Variants in PRMT2 observed in about 807,000 individuals in gnomAD.
PRMT2 encodes protein arginine methyltransferase 2.
In PRMT2, 26 loss-of-function variants were observed where a neutral mutation model predicts 57.6. That is an observed-to-expected ratio of 0.45 (90% CI 0.33 to 0.63). PRMT2 has a LOEUF of 0.63. Among genes scored for constraint, PRMT2 ranks in the 20% least tolerant of loss-of-function variants. The pLI, the probability that PRMT2 is intolerant of heterozygous loss-of-function variation, is 0.02. For missense variants in PRMT2, 472 were observed against 564.4 expected (o/e 0.84, Z 1.66); for synonymous variants, 219 against 220.0 (o/e 1.00, Z 0.04).
In PRMT2 at chr21:46,661,143, TTTC is replaced by T. The variant is rs2061614041; in HGVS notation, c.960+184_960+186del. 11 of 599,590 alleles carry T rather than the reference TTTC, an allele frequency of 1.8e-5. No homozygotes were observed. The South Asian group carries it at 3.6e-4, about 20-fold the overall frequency. The allele number at this position is 599,590 out of a possible 1,614,324, so 37.1% of individuals were successfully genotyped here. A position where few individuals can be genotyped will look rare whatever the true frequency, so the allele number is the denominator to read the frequency against. On this transcript the variant is annotated intron_variant, in intron 9 of 11. Coordinates refer to ENST00000355680, the MANE Select transcript of PRMT2 (RefSeq NM_206962.4). ...TTGCTACTGATTTTTTCCAGTCTTT[TTTC>T]TTTTTTACGTTCTATTTTGATTCTT...
chr21:46,643,414 T>G, intron 3 of PRMT2, 121 bp from the exon 4 acceptor site: 6 of 1,318,464 alleles, frequency 4.6e-6, no homozygotes. Flanking sequence ...ATAGTTTGTA[T>G]AATAAATACT....
intron 8 of PRMT2, 79 bp from the exon 9 acceptor site, chr21:46,660,754 A>G: frequency 6.5e-7 from 1 of 1,530,768 alleles, no homozygotes; most frequent in Non-Finnish European, 8.9e-7. Context: ...GAGAGCACTC[A>G]CCGCGGTCCC....
At position 46,641,707 on chromosome 21, in the gene PRMT2, CAAA is replaced by C. The variant is rs547560816; in HGVS notation, c.40-1827_40-1825del. On this transcript the variant is annotated intron_variant, in intron 3 of 11. Coordinates refer to ENST00000355680, the MANE Select transcript of PRMT2 (RefSeq NM_206962.4). ...ACTCCATCCTAAAAAAAAAGCCAAA[CAAA>C]GAAACAGCCTGTGTGTGTGTGTGTG... Among the ~76,000 whole-genome samples, 9 of 128,086 alleles carry C rather than the reference CAAA, an allele frequency of 7.0e-5. No individual in the cohort carries two copies. In the South Asian group the frequency reaches 2.6e-3, roughly 36 times the overall value. 84.0% of individuals were successfully genotyped at this position (128,086 alleles called of 152,430 possible). A position where few individuals can be genotyped will look rare whatever the true frequency, so the allele number is the denominator to read the frequency against.
In PRMT2 at chr21:46,653,552, A is replaced by G. The variant is rs186354379; in HGVS notation, c.654+3813A>G. On this transcript the variant is annotated intron_variant, in intron 7 of 11. Coordinates refer to ENST00000355680, the MANE Select transcript of PRMT2 (RefSeq NM_206962.4). ...CACAGGGCACCCTGCAGAGGCCACA[A>G]CCAAGGCCGCCTGGCTTCCCAGTGG... 14 of 1,036,908 alleles carry G rather than the reference A, an allele frequency of 1.4e-5. No homozygotes were observed. The East Asian group carries it at 5.1e-4, about 38-fold the overall frequency. 64.2% of individuals were successfully genotyped at this position (1,036,908 alleles called of 1,614,324 possible).
At chr21:46,652,176 C>T in intron 7 of PRMT2, 2 of 1,422,698 alleles carry the variant, frequency 1.4e-6, no homozygotes, top group South Asian at 1.5e-5. Flanking sequence ...TAAAATAAAC[C>T]TCAGATGGGC....
chr21:46,643,383 A>T, intron 3 of PRMT2, 152 bp from the exon 4 acceptor site: 1 of 1,238,500 alleles, frequency 8.1e-7, no homozygotes. Context: ...GCCTTTGATT[A>T]TAGTAGTAAA....
chr21:46,637,134 T>A (rs1020417079), intron 3 of PRMT2, 144 bp downstream of exon 3: 1 of 737,784 alleles, frequency 1.4e-6, no homozygotes, highest in African/African-American at 1.8e-5. Context: ...AATGTGAAGA[T>A]TGTGAGGCAG....
rs2061673870 is a variant in PRMT2, at chr21:46,664,380, A to G, written c.*53A>G. 2 of 1,612,560 alleles carry G rather than the reference A, an allele frequency of 1.2e-6. No homozygotes were observed. The highest frequency in any genetic ancestry group is 2.7e-5 in the African/African-American group (2 of 75,018). The stretch of plus-strand genomic sequence containing the variant: ...GTGCATATCTTGAGGGGTGATGAAC[A>G]CAAGCAAACCAAGTTGCACCTGGCT... On this transcript the variant is annotated 3_prime_UTR_variant, in exon 12 of 12. Coordinates refer to ENST00000355680, the MANE Select transcript of PRMT2 (RefSeq NM_206962.4).
At chr21:46,642,590 A>G (rs1195479032) in intron 3 of PRMT2, among the ~76,000 whole-genome samples, 1 of 152,252 alleles carries the variant, frequency 6.6e-6, no homozygotes, top group African/African-American at 2.4e-5. Flanking sequence ...CATTTTCTAA[A>G]GTAAACACGA....
intron 7 of PRMT2, chr21:46,652,081 C>A: frequency 6.3e-7 from 1 of 1,580,390 alleles, no homozygotes; most frequent in South Asian, 1.1e-5. Context: ...AGCTTTCAGT[C>A]AGTGCAGCAA....
At chr21:46,663,190 G>C (rs2061656551) in intron 10 of PRMT2, among the ~76,000 whole-genome samples, 193 bp from the exon 11 acceptor site, 1 of 152,364 alleles carries the variant, frequency 6.6e-6, no homozygotes, top group African/African-American at 2.4e-5. Flanking sequence ...TAGATCACAG[G>C]GCTGGGGGTG....
At chr21:46,663,659 C>A (rs1569167168) in intron 11 of PRMT2, 105 bp downstream of exon 11, 1 of 1,189,942 alleles carries the variant, frequency 8.4e-7, no homozygotes, top group Non-Finnish European at 1.2e-6. Context: ...CTGGGGTCCA[C>A]GCCTTTTGTG....
At chr21:46,660,767 G>C in intron 8 of PRMT2, 66 bp from the exon 9 acceptor site, 1 of 1,581,606 alleles carries the variant, frequency 6.3e-7, no homozygotes, top group Non-Finnish European at 8.6e-7. Context: ...GCGGTCCCAC[G>C]TGTGTGTTTT....
In PRMT2 at chr21:46,645,599, T is replaced by A. The variant is rs141924539; in HGVS notation, c.327+1111T>A. On this transcript the variant is annotated intron_variant, in intron 5 of 11. Coordinates refer to ENST00000355680, the MANE Select transcript of PRMT2 (RefSeq NM_206962.4). ...TTAAAACTAGATGAAAACAGTTACT[T>A]GCAGGATGAATGTTATAAAAATGAT... Among the ~76,000 whole-genome samples, 66 of 152,320 alleles carry A rather than the reference T, an allele frequency of 4.3e-4. 2 individuals carry two copies. The East Asian group carries it at 0.012, about 28-fold the overall frequency.
rs1238247842 is a variant in PRMT2 at position 46,636,892 on chromosome 21, G to C, written c.-56-4G>C. ...TTTGTGTCTCCTTCTCTTTTTAAAA[G>C]TAGAAATGGAAAAGAAAATGAAATA... On this transcript the variant is annotated splice_region_variant and splice_polypyrimidine_tract_variant and intron_variant, in intron 2 of 11. Transcript: ENST00000355680. 1.9e-6 allele frequency: 3 copies of C among 1,552,838 alleles called. No individual in the cohort carries two copies. The highest frequency in any genetic ancestry group is 2.6e-6 in the Non-Finnish European group (3 of 1,138,256).
At chr21:46,645,441 G>A (rs2061349563) in intron 5 of PRMT2, among the ~76,000 whole-genome samples, 1 of 152,126 alleles carries the variant, frequency 6.6e-6, no homozygotes, top group South Asian at 2.1e-4. Flanking sequence ...ACTCCAGCCT[G>A]GGTGATTGAA....
rs1354939163 is a variant in PRMT2 at position 46,635,751 on chromosome 21, A to G, written c.-178A>G. 6.6e-6 allele frequency: 1 copy of G among 152,436 alleles called. No individual in the cohort carries two copies. Among genetic ancestry groups the G allele is most frequent in the East Asian group, 1.9e-4 (1 of 5,202 alleles). The allele number at this position is 152,436 out of a possible 1,614,324, so 9.4% of individuals were successfully genotyped here. On this transcript the variant is annotated 5_prime_UTR_variant, in exon 1 of 12. Coordinates refer to ENST00000355680, the MANE Select transcript of PRMT2 (RefSeq NM_206962.4). ...GGTGTGGACGCGGAACTCAGCGGAG[A>G]AACGCGATTGAGGTAGGTGTCCTGA...
At chr21:46,661,673 T>G in intron 9 of PRMT2, 127 bp from the exon 10 acceptor site, 1 of 1,008,952 alleles carries the variant, frequency 9.9e-7, no homozygotes, top group Non-Finnish European at 1.3e-6. Flanking sequence ...TTCCCCAGGC[T>G]GGGGGGCTTT....
chr21:46,659,342 A>T (rs753354866), intron 8 of PRMT2: 56 of 989,830 alleles, frequency 5.7e-5, no homozygotes, highest in Non-Finnish European at 6.7e-5. Flanking sequence ...GCAACAATGG[A>T]TGGAATGGAC....
Sources: gnomAD v4.1 joint callset for allele counts (sites outside exome capture counted in the v4.1 genomes callset) on GRCh38, gnomAD v4.1.1 for gene constraint, MANE v1.5 for transcripts, NCBI Gene and HGNC (gene_info 2026-07-23, HGNC 2026-07-21) for gene names.